Variants in RPS6KA6 observed in about 807,000 individuals in gnomAD.
RPS6KA6 encodes ribosomal protein S6 kinase A6.
RPS6KA6 carries 27 observed loss-of-function variants against 65.4 expected under a neutral mutation model. That is an observed-to-expected ratio of 0.41 (90% CI 0.30 to 0.57). The LOEUF (loss-of-function observed/expected upper bound fraction) is 0.57, where lower values mean the gene tolerates loss of function less well. Ranked by LOEUF, RPS6KA6 falls within the 20% of genes least tolerant of loss-of-function variation. The pLI, the probability that RPS6KA6 is intolerant of heterozygous loss-of-function variation, is 0.24. For synonymous variants in RPS6KA6, 190 were observed against 184.2 expected (o/e 1.03, Z -0.26); for missense variants, 486 against 555.6 (o/e 0.87, Z 1.26).
rs1376448605 is a variant in RPS6KA6, at chrX:84,059,481, TA to T, written c.*4795del. 2 of 111,326 alleles carry T rather than the reference TA, an allele frequency of 1.8e-5. No individual in the cohort carries two copies. Among genetic ancestry groups the T allele is most frequent in the Admixed American group, 1.9e-4 (2 of 10,432 alleles). The allele number at this position is 111,326 out of a possible 1,213,427, so 9.2% of individuals were successfully genotyped here. ...GCTGTTAAAAATAATTTTATCATAC[TA>T]AAAAACAAAACACTACATATTTGTT... On this transcript the variant is annotated 3_prime_UTR_variant, in exon 22 of 22. Transcript: ENST00000262752.
At chrX:84,086,587 G>A (rs992204614) in intron 20 of RPS6KA6, among the ~76,000 whole-genome samples, 1 of 110,376 alleles carries the variant, frequency 9.1e-6, no homozygotes, top group African/African-American at 3.3e-5. Context: ...TTCCAATTGC[G>A]TGATCAATTT....
intron 4 of RPS6KA6, 58 bp from the exon 5 acceptor site, chrX:84,147,116 C>A: frequency 1.6e-6 from 1 of 638,315 alleles, no homozygotes; most frequent in Non-Finnish European, 2.4e-6. Context: ...AGTTAAGAGT[C>A]CATCAATAAT....
rs1204454442 is a variant in RPS6KA6 at position 84,059,110 on chromosome X, T to TTTTC, written c.*5163_*5166dup. On this transcript the variant is annotated 3_prime_UTR_variant, in exon 22 of 22. Coordinates refer to ENST00000262752, the MANE Select transcript of RPS6KA6 (RefSeq NM_014496.5). ...GTGTAACTTTTTAAATGGCTGTTTC[T>TTTTC]TTTCTTTTTTTTTTTTTTTTTTTTT... 4 of 87,337 alleles carry TTTTC rather than the reference T, an allele frequency of 4.6e-5. No homozygotes were observed. Among genetic ancestry groups the TTTTC allele is most frequent in the Non-Finnish European group, 4.5e-5 (2 of 44,706 alleles). The allele number at this position is 87,337 out of a possible 1,213,427, so 7.2% of individuals were successfully genotyped here. A position where few individuals can be genotyped will look rare whatever the true frequency, so the allele number is the denominator to read the frequency against.
chrX:84,123,218 G>A (rs1242661730), intron 8 of RPS6KA6, among the ~76,000 whole-genome samples: 1 of 112,222 alleles, frequency 8.9e-6, no homozygotes, highest in African/African-American at 3.2e-5. Flanking sequence ...GTACACCATG[G>A]GCCTTGGGCT....
intron 6 of RPS6KA6, 101 bp downstream of exon 6, chrX:84,145,377 A>G: frequency 2.0e-6 from 1 of 510,461 alleles, no homozygotes; most frequent in Non-Finnish European, 3.2e-6. Flanking sequence ...AGTAGTTACC[A>G]TTTAAAATTT....
At chrX:84,065,174 G>T in intron 20 of RPS6KA6, 63 bp from the exon 21 acceptor site, 1 of 827,803 alleles carries the variant, frequency 1.2e-6, no homozygotes, top group Non-Finnish European at 1.7e-6. Flanking sequence ...TTTTACATTT[G>T]CTGAAAATGT....
In RPS6KA6 at chrX:84,153,470, G is replaced by A. The variant is rs191245531; in HGVS notation, c.258+2605C>T. ...TACTTGGTGTGCTTAGGACAGAATT[G>A]TATATGCACCTTTCATGATAATAAT... On this transcript the variant is annotated intron_variant, in intron 3 of 21. Transcript: ENST00000262752. 2.7e-5 allele frequency among the ~76,000 whole-genome samples: 3 copies of A among 111,489 alleles called. No homozygotes were observed. The East Asian group carries it at 8.4e-4, about 31-fold the overall frequency.
In RPS6KA6 at chrX:84,099,612, G is replaced by C. The variant is rs188014143; in HGVS notation, c.1777-1764C>G. Among the ~76,000 whole-genome samples the C allele has an allele frequency of 5.8e-3, 644 of 111,299 alleles. 3 individuals are homozygous for C. Among genetic ancestry groups the C allele is most frequent in the African/African-American group, 0.019 (596 of 30,813 alleles). On this transcript the variant is annotated intron_variant, in intron 18 of 21. Coordinates refer to ENST00000262752, the MANE Select transcript of RPS6KA6 (RefSeq NM_014496.5). ...CAAAATTAGTTTATAAAAAGCTACAGACACAGTATCCCTCAACTTTTTTGT... is the reference window on the plus strand; with the variant it reads ...CAAAATTAGTTTATAAAAAGCTACACACACAGTATCCCTCAACTTTTTTGT...
intron 8 of RPS6KA6, among the ~76,000 whole-genome samples, chrX:84,121,075 GCAAA>G (rs1009092346): frequency 6.2e-5 from 7 of 112,230 alleles, no homozygotes; most frequent in African/African-American, 1.9e-4. Flanking sequence ...TGATATCTTA[GCAAA>G]CAATCTAAGT....
In RPS6KA6 at chrX:84,146,044, A is replaced by G. The variant is rs185475522; in HGVS notation, c.422-487T>C. Among the ~76,000 whole-genome samples the G allele has an allele frequency of 1.2e-4, 13 of 111,341 alleles. No homozygotes were observed. In the East Asian group the frequency reaches 3.7e-3, roughly 31 times the overall value. On this transcript the variant is annotated intron_variant, in intron 5 of 21. Coordinates refer to ENST00000262752, the MANE Select transcript of RPS6KA6 (RefSeq NM_014496.5). ...GTACTTATTCCATTTTGATTTATGCAATTAATTTCTTTACATCTCTGTGTT... is the reference window on the plus strand; with the variant it reads ...GTACTTATTCCATTTTGATTTATGCGATTAATTTCTTTACATCTCTGTGTT...
intron 20 of RPS6KA6, among the ~76,000 whole-genome samples, chrX:84,079,105 G>C (rs1296260635): frequency 1.8e-5 from 2 of 111,318 alleles, no homozygotes; most frequent in Non-Finnish European, 3.8e-5. Context: ...ATTTCCAACT[G>C]AGGTACCCGT....
Position 84,133,950 on chromosome X carries a change from T to G in RPS6KA6, c.646+832A>C, listed in dbSNP as rs745940088. On this transcript the variant is annotated intron_variant, in intron 8 of 21. Transcript: ENST00000262752. ...GTTTGATATTTTATTTTTGCATTGA[T>G]GCAGTATACACAGGAATTTAAAGCA... Among the ~76,000 whole-genome samples the G allele has an allele frequency of 4.4e-5, 5 of 112,683 alleles. No individual in the cohort carries two copies. In the South Asian group the frequency reaches 1.8e-3, roughly 40 times the overall value.
chrX:84,098,076 G>A (rs2034191238), intron 18 of RPS6KA6, among the ~76,000 whole-genome samples: 2 of 111,093 alleles, frequency 1.8e-5, no homozygotes, highest in Admixed American at 9.6e-5. Flanking sequence ...CATGTACAGA[G>A]ATTTTAATGT....
chrX:84,131,355 T>C (rs1441671464), intron 8 of RPS6KA6, among the ~76,000 whole-genome samples: 1 of 112,786 alleles, frequency 8.9e-6, no homozygotes, highest in African/African-American at 3.2e-5. Context: ...TATTCTTAGA[T>C]AATAGCTTAA....
chrX:84,109,844 T>C (rs998968173), intron 12 of RPS6KA6, among the ~76,000 whole-genome samples: 2 of 111,012 alleles, frequency 1.8e-5, no homozygotes, highest in Non-Finnish European at 3.8e-5. Context: ...TGCTGTCTCC[T>C]GGGCATTCTG....
intron 1 of RPS6KA6, among the ~76,000 whole-genome samples, chrX:84,180,765 T>C (rs189206445): frequency 2.4e-4 from 27 of 111,999 alleles, no homozygotes; most frequent in Admixed American, 9.5e-4. Context: ...GCTGATCTAA[T>C]ATGGTTGCTA....
At chrX:84,130,964 T>C (rs991907765) in intron 8 of RPS6KA6, among the ~76,000 whole-genome samples, 22 of 112,131 alleles carry the variant, frequency 2.0e-4, no homozygotes, top group African/African-American at 7.1e-4. Context: ...TACAGAACTA[T>C]ACATACAACA....
intron 12 of RPS6KA6, among the ~76,000 whole-genome samples, chrX:84,109,907 G>A (rs2034436570): frequency 9.0e-6 from 1 of 111,311 alleles, no homozygotes; most frequent in South Asian, 3.8e-4. Flanking sequence ...GCTAGTACAT[G>A]ACCATGCCTC....
chrX:84,075,232 AAAACAAAC>A (rs201423965), intron 20 of RPS6KA6, among the ~76,000 whole-genome samples: 5,549 of 110,866 alleles, frequency 0.05, 194 homozygotes, highest in East Asian at 0.19. Context: ...ACTCCGTCGC[AAAACAAAC>A]AAACAAACAA....
Sources: allele counts gnomAD v4.1 joint callset (sites outside exome capture counted in the v4.1 genomes callset), GRCh38; gene constraint gnomAD v4.1.1; transcripts MANE v1.5; gene names NCBI Gene and HGNC (gene_info 2026-07-23, HGNC 2026-07-21).